Variants in LOC128125817 observed in about 807,000 individuals in gnomAD.
the LOC128125817 span, among the ~76,000 whole-genome samples, chr1:41,612,473 T>C: frequency 1.3e-5 from 2 of 152,180 alleles, no homozygotes; most frequent in Non-Finnish European, 2.9e-5. Context: ...TCTAACATAC[T>C]TCATAACTAA....
chr1:41,620,035 T>G, the LOC128125817 span, among the ~76,000 whole-genome samples: 1 of 152,252 alleles, frequency 6.6e-6, no homozygotes, highest in East Asian at 1.9e-4. Context: ...TGAGTTCCTT[T>G]GAATATCTGT....
chr1:41,600,336 A>C, the LOC128125817 span, among the ~76,000 whole-genome samples: 332 of 152,342 alleles, frequency 2.2e-3, 2 homozygotes, highest in Non-Finnish European at 3.4e-3. Flanking sequence ...TGATGAATGA[A>C]TGGATAAAAA....
chr1:41,591,072 A>C, the LOC128125817 span, among the ~76,000 whole-genome samples: 1 of 152,238 alleles, frequency 6.6e-6, no homozygotes, highest in African/African-American at 2.4e-5. Context: ...TCAATAAATA[A>C]TAATCATCAT....
At chr1:41,611,664 T>A in the LOC128125817 span, among the ~76,000 whole-genome samples, 1 of 152,218 alleles carries the variant, frequency 6.6e-6, no homozygotes, top group Non-Finnish European at 1.5e-5. Context: ...CAGCCTTTAA[T>A]CAAGGAAGCA....
At chr1:41,627,390 G>A in the LOC128125817 span, among the ~76,000 whole-genome samples, 2 of 152,126 alleles carry the variant, frequency 1.3e-5, no homozygotes, top group African/African-American at 4.8e-5. Context: ...AACTCAGGGT[G>A]GGTCTACACT....
the LOC128125817 span, among the ~76,000 whole-genome samples, chr1:41,590,732 T>C: frequency 1.3e-5 from 2 of 152,152 alleles, no homozygotes; most frequent in Non-Finnish European, 2.9e-5. Context: ...CAGGTCTAGG[T>C]AAGTGGGGAC....
the LOC128125817 span, among the ~76,000 whole-genome samples, chr1:41,628,267 A>C: frequency 6.6e-6 from 1 of 152,166 alleles, no homozygotes; most frequent in African/African-American, 2.4e-5. Flanking sequence ...GGGACTGAAG[A>C]CCTGCTGCTA....
At chr1:41,599,226 CCCGATATCATA>C in the LOC128125817 span, among the ~76,000 whole-genome samples, 3 of 152,010 alleles carry the variant, frequency 2.0e-5, no homozygotes, top group Non-Finnish European at 4.4e-5. Context: ...AACCTTGACC[CCCGATATCATA>C]CCATACACAG....
chr1:41,587,348 A>G, the LOC128125817 span, among the ~76,000 whole-genome samples: 1 of 152,224 alleles, frequency 6.6e-6, no homozygotes, highest in Non-Finnish European at 1.5e-5. Context: ...CTTGTACCAA[A>G]GCAGGCTGAG....
chr1:41,615,586 T>C, the LOC128125817 span, among the ~76,000 whole-genome samples: 2 of 152,088 alleles, frequency 1.3e-5, no homozygotes, highest in Non-Finnish European at 2.9e-5. Flanking sequence ...GACATTTAGA[T>C]GTAACCAAAG....
the LOC128125817 span, among the ~76,000 whole-genome samples, chr1:41,609,203 A>T: frequency 6.6e-6 from 1 of 152,232 alleles, no homozygotes; most frequent in Non-Finnish European, 1.5e-5. Context: ...GGATGTGGAC[A>T]CCGGAAAGGA....
At chr1:41,601,502 G>C in the LOC128125817 span, among the ~76,000 whole-genome samples, 1 of 151,918 alleles carries the variant, frequency 6.6e-6, no homozygotes, top group African/African-American at 2.4e-5. Flanking sequence ...TATTGTTTTA[G>C]GTGTTATTAT....
the LOC128125817 span, among the ~76,000 whole-genome samples, chr1:41,616,793 T>C: frequency 6.6e-6 from 1 of 152,152 alleles, no homozygotes; most frequent in Admixed American, 6.5e-5. Flanking sequence ...CTATGTACAT[T>C]CCTCAGCACT....
the LOC128125817 span, among the ~76,000 whole-genome samples, chr1:41,625,163 A>C: frequency 6.6e-5 from 1 of 15,040 alleles, no homozygotes; most frequent in Admixed American, 6.1e-4. Flanking sequence ...ATTCCAACTC[A>C]AAAAAAAAAA....
chr1:41,624,641 T>C, the LOC128125817 span, among the ~76,000 whole-genome samples: 2 of 152,338 alleles, frequency 1.3e-5, no homozygotes, highest in Non-Finnish European at 2.9e-5. Context: ...GACAATGTAT[T>C]ATGTGGATTA....
chr1:41,610,735 C>G, the LOC128125817 span, among the ~76,000 whole-genome samples: 1 of 152,150 alleles, frequency 6.6e-6, no homozygotes, highest in Non-Finnish European at 1.5e-5. Flanking sequence ...TACTGAATTC[C>G]GAGCGCAATT....
At chr1:41,619,623 G>A in the LOC128125817 span, among the ~76,000 whole-genome samples, 2 of 152,180 alleles carry the variant, frequency 1.3e-5, no homozygotes, top group African/African-American at 2.4e-5. Flanking sequence ...TGGTGATGGT[G>A]GCTGGGGTGT....
the LOC128125817 span, among the ~76,000 whole-genome samples, chr1:41,612,375 C>T: frequency 6.6e-6 from 1 of 152,188 alleles, no homozygotes; most frequent in Non-Finnish European, 1.5e-5. Flanking sequence ...GCCCCTGTAG[C>T]CACTGTCTCA....
the LOC128125817 span, among the ~76,000 whole-genome samples, chr1:41,588,746 A>T: frequency 1.3e-5 from 2 of 152,148 alleles, no homozygotes; most frequent in Non-Finnish European, 2.9e-5. Context: ...GAGGCCTGTG[A>T]GCTGGAGGGG....
Sources: gnomAD v4.1 joint callset for allele counts (sites outside exome capture counted in the v4.1 genomes callset) on GRCh38, gnomAD v4.1.1 for gene constraint, MANE v1.5 for transcripts.